The following CCDC85C variants were observed in gnomAD, a reference collection of about 807,000 sequenced individuals.
CCDC85C encodes coiled-coil domain-containing protein 85C.
Under a neutral mutation model 38.3 loss-of-function variants are expected in CCDC85C, and 18 were observed. That is an observed-to-expected ratio of 0.47 (90% CI 0.33 to 0.70). The LOEUF (loss-of-function observed/expected upper bound fraction) is 0.70, where lower values mean the gene tolerates loss of function less well. Among genes scored for constraint, CCDC85C ranks in the 30% least tolerant of loss-of-function variants. CCDC85C has a pLI of 0.03. For synonymous variants in CCDC85C, 264 were observed against 293.8 expected, an observed-to-expected ratio of 0.90 and a Z score of 1.04; for missense variants, 566 against 621.2, an observed-to-expected ratio of 0.91 and a Z score of 0.94.
At position 99,535,683 on chromosome 14, in the gene CCDC85C, T is replaced by C. The variant is rs546808545; in HGVS notation, c.867+332A>G. Among the ~76,000 whole-genome samples the C allele has an allele frequency of 1.3e-5, 2 of 151,870 alleles. No homozygotes were observed. Among genetic ancestry groups the C allele is most frequent in the African/African-American group, 4.9e-5 (2 of 41,192 alleles). ...AGGCGGGGAGGCTTCCGTGTGAGTCTGCCCCATCTCCTGCCTGGATCTGCC... is the reference window on the plus strand; with the variant it reads ...AGGCGGGGAGGCTTCCGTGTGAGTCCGCCCCATCTCCTGCCTGGATCTGCC... On this transcript the variant is annotated intron_variant, in intron 2 of 5. Transcript: ENST00000380243. The surrounding 1 kb of genome is among the most constrained non-coding windows in gnomAD (Gnocchi z 5.5).
intron 1 of CCDC85C, among the ~76,000 whole-genome samples, chr14:99,571,855 G>A (rs1047158168): frequency 6.6e-6 from 1 of 152,178 alleles, no homozygotes; most frequent in African/African-American, 2.4e-5. Flanking sequence ...AATCCCACCT[G>A]CCCCTTTTCT....
chr14:99,530,358 G>A (rs1293608632), intron 2 of CCDC85C, among the ~76,000 whole-genome samples: 6 of 152,156 alleles, frequency 3.9e-5, no homozygotes, highest in Admixed American at 1.3e-4. Flanking sequence ...GAGGTGATAC[G>A]GTATGGCGGC....
chr14:99,539,984 C>T (rs1484372962), intron 1 of CCDC85C, among the ~76,000 whole-genome samples: 2 of 152,108 alleles, frequency 1.3e-5, no homozygotes, highest in African/African-American at 4.8e-5. Context: ...CCCATCTCTA[C>T]TAAAAATATA....
In CCDC85C at chr14:99,516,047, C is replaced by T; in HGVS notation, c.1170+141G>A. 1 of 702,696 alleles carries T rather than the reference C, an allele frequency of 1.4e-6. No homozygotes were observed. The highest frequency in any genetic ancestry group is 2.5e-6 in the Non-Finnish European group (1 of 403,640). The allele number at this position is 702,696 out of a possible 1,614,324, so 43.5% of individuals were successfully genotyped here. On this transcript the variant is annotated intron_variant, in intron 5 of 5. Coordinates refer to ENST00000380243, the MANE Select transcript of CCDC85C (RefSeq NM_001144995.2). The surrounding 1 kb of genome is among the most constrained non-coding windows in gnomAD (Gnocchi z 5.5). ...GGGCTCCTAGCACCTCTGAGGCCTC[C>T]CCCCAGCTATCCAAGGTCACCCAGC...
intron 1 of CCDC85C, among the ~76,000 whole-genome samples, chr14:99,541,359 A>G (rs905676771): frequency 6.6e-6 from 1 of 152,220 alleles, no homozygotes; most frequent in South Asian, 2.1e-4. Context: ...GGGGCAGAGC[A>G]TCCTGGGCTC....
Position 99,503,559 on chromosome 14 carries a change from C to G in CCDC85C, c.*11687G>C. 5.4e-5 allele frequency: 78 copies of G among 1,443,482 alleles called. No individual in the cohort carries two copies. The highest frequency in any genetic ancestry group is 7.1e-5 in the African/African-American group (5 of 70,178). 89.4% of individuals were successfully genotyped at this position (1,443,482 alleles called of 1,614,324 possible). On this transcript the variant is annotated 3_prime_UTR_variant, in exon 6 of 6. Transcript: ENST00000380243. ...TGGTACCTGGATAATCCATTTTTTT[C>G]TCATCATACTCAGGATCCCAGTTAA... is the stretch of plus-strand genomic sequence containing the variant.
intron 3 of CCDC85C, among the ~76,000 whole-genome samples, chr14:99,518,596 A>AG (rs1379837621): frequency 6.6e-6 from 1 of 151,758 alleles, no homozygotes; most frequent in African/African-American, 2.4e-5. Context: ...GCCAGACAGC[A>AG]GGGGGCGCCA....
rs998459860 is a variant in CCDC85C at position 99,572,661 on chromosome 14, G to A, written c.793+30506C>T. 15 of 455,698 alleles carry A rather than the reference G, an allele frequency of 3.3e-5. No homozygotes were observed. The highest frequency in any genetic ancestry group is 5.3e-5 in the Non-Finnish European group (12 of 226,708). 28.2% of individuals were successfully genotyped at this position (455,698 alleles called of 1,614,324 possible). ...TATCATCCAAGCCCCAGGTGACCTG[G>A]CCCCTCCTTAAGAGGCCTCCCCTGC... is the stretch of plus-strand genomic sequence containing the variant. On this transcript the variant is annotated intron_variant, in intron 1 of 5. Transcript: ENST00000380243. The surrounding 1 kb of genome is among the most constrained non-coding windows in gnomAD (Gnocchi z 4.4).
At chr14:99,527,324 G>A (rs1027468199) in intron 2 of CCDC85C, among the ~76,000 whole-genome samples, 1 of 152,198 alleles carries the variant, frequency 6.6e-6, no homozygotes, top group African/African-American at 2.4e-5. Context: ...TCAAATGGGG[G>A]TGATGCCCCC....
rs1382283186 is a variant in CCDC85C at position 99,503,070 on chromosome 14, A to C, written c.*12176T>G. ...GCACTGTTCCCATTTCTAAGCGAGC[A>C]CAGGGAACACCGGAAGCAGGGGGTG... On this transcript the variant is annotated 3_prime_UTR_variant, in exon 6 of 6. Transcript: ENST00000380243. 2.8e-6 allele frequency: 4 copies of C among 1,433,130 alleles called. No individual in the cohort carries two copies. Among genetic ancestry groups the C allele is most frequent in the Non-Finnish European group, 3.9e-6 (4 of 1,016,802 alleles). 88.8% of individuals were successfully genotyped at this position (1,433,130 alleles called of 1,614,324 possible).
Position 99,509,765 on chromosome 14 carries a change from CAGG to C in CCDC85C, c.*5478_*5480del, listed in dbSNP as rs755444978. 122 of 247,518 alleles carry C rather than the reference CAGG, an allele frequency of 4.9e-4. 1 individual carries two copies. The highest frequency in any genetic ancestry group is 9.8e-4 in the Admixed American group (20 of 20,480). The allele number at this position is 247,518 out of a possible 1,614,324, so 15.3% of individuals were successfully genotyped here. ...TTCTGCAAAATGCCACTGCTGCAGA[CAGG>C]AGTTCAGTGTGGCCCTGACCCCTGG... On this transcript the variant is annotated 3_prime_UTR_variant, in exon 6 of 6. Transcript: ENST00000380243.
At chr14:99,573,151 G>A (rs577512444) in intron 1 of CCDC85C, among the ~76,000 whole-genome samples, 100 of 152,328 alleles carry the variant, frequency 6.6e-4, no homozygotes, top group African/African-American at 1.4e-3. Context: ...CATTTCCCCC[G>A]GTGCCTCGGA....
rs1896891340 is a variant in CCDC85C, at chr14:99,503,439, A to T, written c.*11807T>A. The T allele has an allele frequency of 1.6e-6, 1 of 614,398 alleles. No individual in the cohort carries two copies. Among genetic ancestry groups the T allele is most frequent in the East Asian group, 2.7e-5 (1 of 36,472 alleles). The allele number at this position is 614,398 out of a possible 1,614,324, so 38.1% of individuals were successfully genotyped here. The stretch of plus-strand genomic sequence containing the variant: ...TGGAAAGAGGAAGGGAGCAGAAATG[A>T]TGATCTGGTAGGTGCCGTGGTTTGC... On this transcript the variant is annotated 3_prime_UTR_variant, in exon 6 of 6. Coordinates refer to ENST00000380243, the MANE Select transcript of CCDC85C (RefSeq NM_001144995.2).
chr14:99,566,662 C>T (rs11160527), intron 1 of CCDC85C, among the ~76,000 whole-genome samples: 87,902 of 152,074 alleles, frequency 0.58, 26,067 homozygotes, highest in African/African-American at 0.72. Flanking sequence ...GGCAGGCGCC[C>T]ACCTCCTACC....
Position 99,510,205 on chromosome 14 carries a change from G to T in CCDC85C, c.*5041C>A. 1 of 1,597,520 alleles carries T rather than the reference G, an allele frequency of 6.3e-7. No homozygotes were observed. The highest frequency in any genetic ancestry group is 2.3e-5 in the East Asian group (1 of 44,346). ...GCCTTAGGTGAGGCTGAGCCGCCGGGCCCTGTGGATGCCACTGACCTCCCC... is the reference window on the plus strand; with the variant it reads ...GCCTTAGGTGAGGCTGAGCCGCCGGTCCCTGTGGATGCCACTGACCTCCCC... On this transcript the variant is annotated 3_prime_UTR_variant, in exon 6 of 6. Transcript: ENST00000380243.
intron 1 of CCDC85C, among the ~76,000 whole-genome samples, chr14:99,568,254 T>TA (rs891997260): frequency 7.4e-6 from 1 of 135,178 alleles, no homozygotes; most frequent in Non-Finnish European, 1.6e-5. Flanking sequence ...CCCTTTATTT[T>TA]TTTTTTTTTT....
intron 2 of CCDC85C, among the ~76,000 whole-genome samples, chr14:99,525,620 G>C (rs1242456604): frequency 1.3e-4 from 20 of 152,248 alleles, no homozygotes; most frequent in Admixed American, 1.2e-3. Flanking sequence ...TGTGTGCCAG[G>C]CACCACGCTG....
intron 1 of CCDC85C, among the ~76,000 whole-genome samples, chr14:99,601,828 C>T (rs951475061): frequency 1.3e-5 from 2 of 152,160 alleles, no homozygotes; most frequent in African/African-American, 4.8e-5. Context: ...AAACCCAGTC[C>T]TGCCTTGAAC....
chr14:99,501,688 A>G lies in CCDC85C; in HGVS notation c.*13558T>C, dbSNP rs538635589. On this transcript the variant is annotated 3_prime_UTR_variant, in exon 6 of 6. Coordinates refer to ENST00000380243, the MANE Select transcript of CCDC85C (RefSeq NM_001144995.2). The stretch of plus-strand genomic sequence containing the variant: ...AAAACAATACACTGGAGAATTTTGA[A>G]AACTAATTACTTAGAGCCCATTTGG... The G allele has an allele frequency of 7.8e-5, 32 of 410,848 alleles. No homozygotes were observed. The highest frequency in any genetic ancestry group is 1.3e-4 in the Non-Finnish European group (31 of 232,308). The allele number at this position is 410,848 out of a possible 1,614,324, so 25.5% of individuals were successfully genotyped here.
Sources: allele counts gnomAD v4.1 joint callset (sites outside exome capture counted in the v4.1 genomes callset), GRCh38; gene constraint gnomAD v4.1.1; non-coding constraint Gnocchi (gnomAD v3.1); transcripts MANE v1.5; gene names NCBI Gene and HGNC (gene_info 2026-07-23, HGNC 2026-07-21).